Variants in CYRIB observed in about 807,000 individuals in gnomAD.
The protein encoded by CYRIB is CYFIP-related Rac1 interactor B.
Under a neutral mutation model 44.2 loss-of-function variants are expected in CYRIB, and 8 were observed. The ratio of observed to expected loss-of-function variants is 0.18; its 90% CI spans 0.11 to 0.33. The LOEUF is 0.33. Among genes scored for constraint, CYRIB ranks in the 10% least tolerant of loss-of-function variants. The pLI, the probability that CYRIB is intolerant of heterozygous loss-of-function variation, is 1.00. For synonymous variants in CYRIB, 131 were observed against 127.2 expected (o/e 1.03, Z -0.20); for missense variants, 185 against 382.8 (o/e 0.48, Z 4.31).
In CYRIB at chr8:129,846,877, A is replaced by T; in HGVS notation, c.841-3T>A. ...AGAACTTTGATACAACCTTTCATCT[A>T]AAGAAAAAGAAAACAGAAAAGGTAA... On this transcript the variant is annotated splice_region_variant and splice_polypyrimidine_tract_variant and intron_variant, in intron 10 of 11. Coordinates refer to ENST00000519824, the Ensembl canonical transcript of CYRIB. 6.4e-7 allele frequency: 1 copy of T among 1,568,880 alleles called. No individual in the cohort carries two copies. The highest frequency in any genetic ancestry group is 8.6e-7 in the Non-Finnish European group (1 of 1,164,916).
At chr8:129,867,778 C>T (rs1029007372) in intron 4 of CYRIB, among the ~76,000 whole-genome samples, 1 of 152,030 alleles carries the variant, frequency 6.6e-6, no homozygotes, top group African/African-American at 2.4e-5. Flanking sequence ...ATGAATAAGG[C>T]GGCCATACCA....
At chr8:129,894,746 T>C (rs1280953596) in intron 2 of CYRIB, among the ~76,000 whole-genome samples, 1 of 152,124 alleles carries the variant, frequency 6.6e-6, no homozygotes, top group Non-Finnish European at 1.5e-5. Flanking sequence ...TTTCTTATTT[T>C]ATTTTTGCTA....
At chr8:129,870,152 T>C (rs560532904) in intron 4 of CYRIB, among the ~76,000 whole-genome samples, 56 of 151,884 alleles carry the variant, frequency 3.7e-4, no homozygotes, top group African/African-American at 1.3e-3. Context: ...CTCATGCCTG[T>C]AATTCCAACA....
chr8:129,924,904 G>C (rs545274992), intron 1 of CYRIB, among the ~76,000 whole-genome samples: 1 of 152,310 alleles, frequency 6.6e-6, no homozygotes, highest in East Asian at 1.9e-4. Flanking sequence ...CTCAGGCCTT[G>C]GAAGTCGAGG....
chr8:129,983,693 C>T (rs934105016), intron 1 of CYRIB, among the ~76,000 whole-genome samples: 1 of 152,156 alleles, frequency 6.6e-6, no homozygotes, highest in African/African-American at 2.4e-5. Flanking sequence ...GTGCGCTCTG[C>T]ACCAGCCACA....
rs537684439 is a variant in CYRIB, at chr8:130,002,358, C to T, written c.-296+14012G>A. On this transcript the variant is annotated intron_variant, in intron 1 of 14. Coordinates refer to the CYRIB transcript ENST00000401979. ...CACCTGTGGTCCCAGCTGCTCGGGA[C>T]GCTGAGGCAGGAGGATCACCTGAGC... Among the ~76,000 whole-genome samples, 10 of 151,542 alleles carry T rather than the reference C, an allele frequency of 6.6e-5. No individual in the cohort carries two copies. The East Asian group carries it at 9.8e-4, about 15-fold the overall frequency.
intron 2 of CYRIB, among the ~76,000 whole-genome samples, chr8:129,950,431 G>T (rs988512449): frequency 1.3e-5 from 2 of 152,138 alleles, no homozygotes; most frequent in Non-Finnish European, 2.9e-5. Context: ...TTAGCCAGAC[G>T]TGGTGACGTG....
chr8:129,919,655 G>C (rs1392248883), intron 1 of CYRIB, among the ~76,000 whole-genome samples: 1 of 152,020 alleles, frequency 6.6e-6, no homozygotes, highest in Non-Finnish European at 1.5e-5. Context: ...AAAAACACCA[G>C]TACTACTAAC....
At chr8:129,952,149 G>A (rs893603686) in intron 2 of CYRIB, among the ~76,000 whole-genome samples, 1 of 152,188 alleles carries the variant, frequency 6.6e-6, no homozygotes, top group Non-Finnish European at 1.5e-5. Flanking sequence ...AGGTTCAAGC[G>A]ATTCTCCTGC....
At chr8:129,982,408 A>G (rs990639379) in intron 1 of CYRIB, among the ~76,000 whole-genome samples, 3 of 152,006 alleles carry the variant, frequency 2.0e-5, no homozygotes, top group Non-Finnish European at 4.4e-5. Flanking sequence ...TTTAATTTTA[A>G]CTAACCGAAA....
chr8:129,981,501 A>T (rs1278118487), intron 1 of CYRIB, among the ~76,000 whole-genome samples: 1 of 152,174 alleles, frequency 6.6e-6, no homozygotes. Context: ...TCACTAATAG[A>T]TGAGCAAGAT....
chr8:129,840,550 T>C (rs994349132), exon 12 of CYRIB: 1 of 152,170 alleles, frequency 6.6e-6, no homozygotes, highest in African/African-American at 2.4e-5. Flanking sequence ...ACACTATTCT[T>C]AGAAGATGCC....
At chr8:130,012,777 A>T (rs1166964162) in intron 1 of CYRIB, among the ~76,000 whole-genome samples, 3 of 152,180 alleles carry the variant, frequency 2.0e-5, no homozygotes, top group Non-Finnish European at 2.9e-5. Flanking sequence ...GGAAAAAAAA[A>T]ATATTGCTCT....
At chr8:129,902,554 T>C (rs1289555050) in intron 2 of CYRIB, among the ~76,000 whole-genome samples, 1 of 152,060 alleles carries the variant, frequency 6.6e-6, no homozygotes, top group African/African-American at 2.4e-5. Flanking sequence ...TCTTGTTCTA[T>C]CACCCAGGTT....
At chr8:129,975,699 C>A (rs541471927) in intron 1 of CYRIB, among the ~76,000 whole-genome samples, 1 of 152,270 alleles carries the variant, frequency 6.6e-6, no homozygotes, top group Non-Finnish European at 1.5e-5. Context: ...AGGAAACAGA[C>A]GAAGGAAAAC....
At chr8:129,849,169 T>A in intron 10 of CYRIB, 74 bp downstream of exon 12, 1 of 1,432,832 alleles carries the variant, frequency 7.0e-7, no homozygotes, top group Non-Finnish European at 9.3e-7. Context: ...TTGCTGGCTC[T>A]TATCATAAAA....
At chr8:129,914,608 T>A (rs1307448005) in intron 1 of CYRIB, among the ~76,000 whole-genome samples, 1 of 152,164 alleles carries the variant, frequency 6.6e-6, no homozygotes, top group African/African-American at 2.4e-5. Flanking sequence ...TTGAAAAGAT[T>A]TTTACAAATA....
At chr8:129,961,788 C>T (rs1365361126) in intron 2 of CYRIB, among the ~76,000 whole-genome samples, 1 of 152,158 alleles carries the variant, frequency 6.6e-6, no homozygotes, top group Non-Finnish European at 1.5e-5. Flanking sequence ...AGTCTGCTGG[C>T]TATGCAGCAG....
chr8:129,901,150 T>G (rs926125717), intron 2 of CYRIB, among the ~76,000 whole-genome samples: 68 of 152,318 alleles, frequency 4.5e-4, no homozygotes, highest in African/African-American at 1.6e-3. Context: ...AGATGGGGTT[T>G]CTGTTATTAT....
Sources: gnomAD v4.1 joint callset for allele counts (sites outside exome capture counted in the v4.1 genomes callset) on GRCh38, gnomAD v4.1.1 for gene constraint, MANE v1.5 for transcripts, NCBI Gene and HGNC (gene_info 2026-07-23, HGNC 2026-07-21) for gene names.